The following SUMF1 variants were observed in gnomAD, a reference collection of about 807,000 sequenced individuals.
The protein encoded by SUMF1 is sulfatase modifying factor 1, also known as formylglycine-generating enzyme.
In SUMF1, 48 loss-of-function variants were observed where a neutral mutation model predicts 47.6. The ratio of observed to expected loss-of-function variants is 1.01; its 90% CI spans 0.80 to 1.28. The LOEUF (loss-of-function observed/expected upper bound fraction) is 1.28, where lower values mean the gene tolerates loss of function less well. Among genes scored for constraint, SUMF1 ranks in the 50% most tolerant of loss-of-function variants. The probability of loss-of-function intolerance (pLI) is 0.00; values close to 1 mark genes in which losing one functional copy is unlikely to be tolerated. For missense variants in SUMF1, 571 were observed against 485.4 expected, an observed-to-expected ratio of 1.18 and a Z score of -1.66; for synonymous variants, 230 against 192.1, an observed-to-expected ratio of 1.20 and a Z score of -1.63.
intron 5 of SUMF1, among the ~76,000 whole-genome samples, chr3:4,417,552 G>A (rs182673327): frequency 4.6e-4 from 70 of 152,344 alleles, no homozygotes; most frequent in African/African-American, 1.6e-3. Flanking sequence ...ATATGGTAGT[G>A]TGATCAGGCA....
chr3:4,418,358 A>G (rs1174461695), intron 4 of SUMF1, among the ~76,000 whole-genome samples: 2 of 152,214 alleles, frequency 1.3e-5, no homozygotes. Flanking sequence ...ACTAGACTCA[A>G]AACATTTCTT....
intron 8 of SUMF1, among the ~76,000 whole-genome samples, chr3:4,090,133 T>C (rs755631434): frequency 2.7e-4 from 41 of 152,268 alleles, no homozygotes; most frequent in Admixed American, 2.2e-3. Context: ...GGTAAATGAA[T>C]ACATTAATGA....
At chr3:4,456,613 G>A (rs1575247364) in intron 1 of SUMF1, among the ~76,000 whole-genome samples, 1 of 128,374 alleles carries the variant, frequency 7.8e-6, no homozygotes, top group Admixed American at 8.1e-5. Flanking sequence ...CACCACACCA[G>A]GCTAATATAT....
chr3:4,104,075 T>C (rs568223654), intron 8 of SUMF1, among the ~76,000 whole-genome samples: 1 of 152,154 alleles, frequency 6.6e-6, no homozygotes, highest in African/African-American at 2.4e-5. Flanking sequence ...TTTTTCTGTG[T>C]CCCCACCCAA....
intron 8 of SUMF1, among the ~76,000 whole-genome samples, chr3:4,337,824 T>C (rs1437239183): frequency 6.6e-6 from 1 of 152,164 alleles, no homozygotes; most frequent in African/African-American, 2.4e-5. Flanking sequence ...TTGGAAGTGT[T>C]TTCTTGCCAA....
chr3:4,397,051 C>CA (rs905229818), intron 7 of SUMF1, among the ~76,000 whole-genome samples: 2 of 152,194 alleles, frequency 1.3e-5, no homozygotes, highest in African/African-American at 4.8e-5. Context: ...AGATGGAATG[C>CA]AGTAGACTGC....
At chr3:4,373,608 C>T (rs1338626697) in intron 8 of SUMF1, among the ~76,000 whole-genome samples, 1 of 152,042 alleles carries the variant, frequency 6.6e-6, no homozygotes, top group African/African-American at 2.4e-5. Flanking sequence ...AATGCATTCA[C>T]CAAGGAATCC....
intron 8 of SUMF1, among the ~76,000 whole-genome samples, chr3:4,213,909 G>T (rs558353958): frequency 4.6e-5 from 7 of 152,106 alleles, no homozygotes; most frequent in Non-Finnish European, 1.0e-4. Context: ...GATTCATAAA[G>T]CAAGTTCTTA....
intron 7 of SUMF1, among the ~76,000 whole-genome samples, chr3:4,384,667 T>A (rs1286088281): frequency 6.6e-6 from 1 of 152,206 alleles, no homozygotes. Context: ...CAACAATCTA[T>A]CCCTTATTAC....
At chr3:4,385,172 C>T (rs769622559) in intron 7 of SUMF1, among the ~76,000 whole-genome samples, 9 of 152,124 alleles carry the variant, frequency 5.9e-5, no homozygotes, top group Non-Finnish European at 8.8e-5. Flanking sequence ...AGGAGTGAGC[C>T]GCTGTGCCCA....
At chr3:4,284,441 A>AAGGAGGAGGAGGAGGAGGAGGAGGAGG (rs72201582) in intron 8 of SUMF1, among the ~76,000 whole-genome samples, 13 of 91,638 alleles carry the variant, frequency 1.4e-4, no homozygotes, top group African/African-American at 3.6e-4. Flanking sequence ...TAAAAAATGA[A>AAGGAGGAGGAGGAGGAGGAGGAGGAGG]AGGAGGAGGA....
intron 8 of SUMF1, among the ~76,000 whole-genome samples, chr3:4,152,524 C>T (rs1201822033): frequency 6.6e-6 from 1 of 150,946 alleles, no homozygotes; most frequent in Non-Finnish European, 1.5e-5. Flanking sequence ...AACTCCTGGG[C>T]TCAAGTGATC....
In SUMF1 at chr3:4,467,241, G is replaced by C. The variant is rs764156609; in HGVS notation, c.5C>G (p.Ala2Gly). ...ACACACCAGCCCTAGTGCGGGCGCA[G>C]CCATGTTGTCCCGCGGGCCATGTGA... MAAPALGLVCGR... is the reference protein window; with the variant it reads MGAPALGLVCGR... Residue 2 changes from alanine to glycine, a missense_variant, in exon 1 of 9, where the codon GCT (alanine) becomes GGT (glycine). Coordinates refer to ENST00000272902, the MANE Select transcript of SUMF1 (RefSeq NM_182760.4). 1 of 1,608,510 alleles carries C rather than the reference G, an allele frequency of 6.2e-7. No individual in the cohort carries two copies. Among genetic ancestry groups the C allele is most frequent in the Middle Eastern group, 1.7e-4 (1 of 5,724 alleles).
At chr3:4,135,683 T>C (rs187513291) in intron 8 of SUMF1, among the ~76,000 whole-genome samples, 4 of 152,284 alleles carry the variant, frequency 2.6e-5, no homozygotes, top group Non-Finnish European at 5.9e-5. Flanking sequence ...GGAAGTCAAA[T>C]TGTCCCTGTT....
intron 8 of SUMF1, among the ~76,000 whole-genome samples, chr3:4,374,121 A>G (rs1415728482): frequency 6.6e-6 from 1 of 152,220 alleles, no homozygotes; most frequent in Non-Finnish European, 1.5e-5. Context: ...CCTAAGATCA[A>G]GAATGAGGTA....
rs961686410 is a variant in SUMF1 at position 4,108,210 on chromosome 3, T to C, written c.1015-39465A>G. On this transcript the variant is annotated intron_variant and NMD_transcript_variant, in intron 8 of 12. Transcript: ENST00000448413. ...CCAGTAGTCATTCAGGAGCAGGTTGTTCAGTTTCCATGTAGTTGAGCAGTT... is the reference window on the plus strand; with the variant it reads ...CCAGTAGTCATTCAGGAGCAGGTTGCTCAGTTTCCATGTAGTTGAGCAGTT... Among the ~76,000 whole-genome samples the C allele has an allele frequency of 2.6e-5, 4 of 152,274 alleles. 1 individual carries two copies. The highest frequency in any genetic ancestry group is 3.4e-3 in the Middle Eastern group (1 of 294).
At chr3:4,189,173 T>G (rs1226615600) in intron 8 of SUMF1, among the ~76,000 whole-genome samples, 1 of 152,118 alleles carries the variant, frequency 6.6e-6, no homozygotes, top group Non-Finnish European at 1.5e-5. Context: ...AAGCTGGGGA[T>G]TTTTTGTATT....
At chr3:4,437,799 C>T (rs1014422969) in intron 3 of SUMF1, among the ~76,000 whole-genome samples, 4 of 151,836 alleles carry the variant, frequency 2.6e-5, no homozygotes, top group East Asian at 1.9e-4. Context: ...ATTAGCTGGG[C>T]GTGGTGGTGC....
intron 8 of SUMF1, among the ~76,000 whole-genome samples, chr3:4,084,599 G>T (rs1692633767): frequency 6.6e-6 from 1 of 152,072 alleles, no homozygotes; most frequent in Non-Finnish European, 1.5e-5. Flanking sequence ...ACAGGACAAA[G>T]AAACTCAAGA....
Sources: allele counts gnomAD v4.1 joint callset (sites outside exome capture counted in the v4.1 genomes callset), GRCh38; gene constraint gnomAD v4.1.1; transcripts MANE v1.5; gene names NCBI Gene and HGNC (gene_info 2026-07-23, HGNC 2026-07-21).